NAV2: variants seen among roughly 807,000 people sequenced by gnomAD.
NAV2 encodes neuron navigator 2.
In NAV2, 54 loss-of-function variants were observed where a neutral mutation model predicts 223.2. The ratio of observed to expected loss-of-function variants is 0.24; its 90% CI spans 0.19 to 0.30. The LOEUF (loss-of-function observed/expected upper bound fraction) is 0.30. Among genes scored for constraint, NAV2 ranks in the 10% least tolerant of loss-of-function variants. NAV2 has a pLI of 1.00. For synonymous variants in NAV2, 1,279 were observed against 1,239.3 expected (o/e 1.03, Z -0.67); for missense variants, 2,806 against 3,147.5 (o/e 0.89, Z 2.60).
chr11:19,831,253 G>A (rs867903053), intron 1 of NAV2, among the ~76,000 whole-genome samples: 5 of 140,820 alleles, frequency 3.6e-5, no homozygotes, highest in Admixed American at 7.1e-5. Context: ...TGGGGAGTGG[G>A]GGGGGATGAC....
At position 20,107,656 on chromosome 11, in the gene NAV2, G is replaced by A; in HGVS notation, c.6842-8G>A. 3 of 1,610,282 alleles carry A rather than the reference G, an allele frequency of 1.9e-6. No individual in the cohort carries two copies. The highest frequency in any genetic ancestry group is 1.7e-5 in the Admixed American group (1 of 59,992). ...TGAGTGCTAATGTATTTTCACTGTG[G>A]TCTCCAGGCCCCCGGCTCTTCCTGT... is the stretch of plus-strand genomic sequence containing the variant. On this transcript the variant is annotated splice_region_variant and splice_polypyrimidine_tract_variant and intron_variant, in intron 35 of 37. Coordinates refer to ENST00000349880, the MANE Select transcript of NAV2 (RefSeq NM_145117.5).
intron 1 of NAV2, among the ~76,000 whole-genome samples, chr11:19,479,636 A>C (rs1440404906): frequency 6.6e-6 from 1 of 152,196 alleles, no homozygotes; most frequent in Non-Finnish European, 1.5e-5. Flanking sequence ...GCCTGTTTGT[A>C]GGTCTTTCAT....
In NAV2 at chr11:19,977,798, CTTTTTTT is replaced by C. The variant is rs1221334182; in HGVS notation, c.2646-6310_2646-6304del. ...TCTTTTCAGAGAGGTCAACTTTTTTCTTTTTTTTTTTTTTTTTTTTTTTGAGACAGGG... is the reference window on the plus strand; with the variant it reads ...TCTTTTCAGAGAGGTCAACTTTTTTCTTTTTTTTTTTTTTTTGAGACAGGG... On this transcript the variant is annotated intron_variant, in intron 10 of 37. Transcript: ENST00000349880. 7.6e-3 allele frequency among the ~76,000 whole-genome samples: 686 copies of C among 90,782 alleles called. 3 individuals are homozygous for C. Among genetic ancestry groups the C allele is most frequent in the Non-Finnish European group, 0.013 (571 of 45,462 alleles). 59.6% of individuals were successfully genotyped at this position (90,782 alleles called of 152,430 possible).
intron 32 of NAV2, among the ~76,000 whole-genome samples, chr11:20,102,766 C>T (rs1325748975): frequency 6.6e-6 from 1 of 152,144 alleles, no homozygotes; most frequent in Admixed American, 6.5e-5. Context: ...TGAGCCAATG[C>T]CCCACCCGTT....
At chr11:20,104,365 T>C in intron 34 of NAV2, 2 of 152,936 alleles carry the variant, frequency 1.3e-5, no homozygotes, top group East Asian at 1.9e-4. Context: ...CTCTCCTGCC[T>C]GGGCCCTTAG....
intron 1 of NAV2, among the ~76,000 whole-genome samples, chr11:19,657,943 G>C (rs2048173260): frequency 6.6e-6 from 1 of 151,878 alleles, no homozygotes; most frequent in Non-Finnish European, 1.5e-5. Context: ...CATGACCTGG[G>C]GAACACAGGT....
At position 20,121,387 on chromosome 11, in the gene NAV2, G is replaced by A. The variant is rs754877332; in HGVS notation, c.*3129G>A. 6.6e-6 allele frequency: 1 copy of A among 152,566 alleles called. No individual in the cohort carries two copies. The highest frequency in any genetic ancestry group is 2.4e-5 in the African/African-American group (1 of 41,424). The allele number at this position is 152,566 out of a possible 1,614,324, so 9.5% of individuals were successfully genotyped here. On this transcript the variant is annotated 3_prime_UTR_variant, in exon 38 of 38. Transcript: ENST00000349880. ...TTTTAAAGAGAAAACTAGGAATTGAGTATTTTGTGTACGGTATGTTTCCAT... is the reference window on the plus strand; with the variant it reads ...TTTTAAAGAGAAAACTAGGAATTGAATATTTTGTGTACGGTATGTTTCCAT...
At chr11:20,001,269 C>G (rs973474439) in intron 11 of NAV2, among the ~76,000 whole-genome samples, 8 of 152,180 alleles carry the variant, frequency 5.3e-5, no homozygotes, top group African/African-American at 1.9e-4. Context: ...CCTAGTAAGT[C>G]CCTTCCTCAG....
At chr11:19,664,643 C>T (rs2135754316) in intron 1 of NAV2, among the ~76,000 whole-genome samples, 1 of 152,272 alleles carries the variant, frequency 6.6e-6, no homozygotes, top group Middle Eastern at 3.4e-3. Flanking sequence ...TTATACAGCT[C>T]TGAATCTCAG....
intron 1 of NAV2, among the ~76,000 whole-genome samples, chr11:19,524,867 C>T (rs138977186): frequency 2.0e-5 from 3 of 152,196 alleles, no homozygotes; most frequent in Non-Finnish European, 2.9e-5. Flanking sequence ...TTGTGATATC[C>T]AGGCCCTTTG....
chr11:19,988,056 C>T (rs1342656120), intron 11 of NAV2, among the ~76,000 whole-genome samples: 1 of 152,206 alleles, frequency 6.6e-6, no homozygotes, highest in Non-Finnish European at 1.5e-5. Flanking sequence ...GCTGTCCTCT[C>T]AGAACCCATC....
At chr11:19,601,991 C>G (rs1397603157) in intron 1 of NAV2, among the ~76,000 whole-genome samples, 1 of 152,172 alleles carries the variant, frequency 6.6e-6, no homozygotes, top group Admixed American at 6.5e-5. Flanking sequence ...CCTGCCCCAC[C>G]AGGGCCCCAT....
intron 1 of NAV2, among the ~76,000 whole-genome samples, chr11:19,604,510 G>A (rs757926580): frequency 2.0e-5 from 3 of 152,138 alleles, no homozygotes; most frequent in South Asian, 2.1e-4. Context: ...GGAGCAGCTA[G>A]GATTGAGAGT....
At chr11:19,743,176 A>G (rs2053005248) in intron 1 of NAV2, among the ~76,000 whole-genome samples, 1 of 152,056 alleles carries the variant, frequency 6.6e-6, no homozygotes, top group African/African-American at 2.4e-5. Flanking sequence ...GATCCTCAAC[A>G]TTTACTCATA....
intron 1 of NAV2, among the ~76,000 whole-genome samples, chr11:19,816,544 A>G (rs1392466365): frequency 2.6e-5 from 4 of 152,092 alleles, no homozygotes; most frequent in African/African-American, 9.7e-5. Flanking sequence ...TTCTTCATCT[A>G]AGTTGGTGCA....
intron 4 of NAV2, among the ~76,000 whole-genome samples, chr11:19,874,793 AT>A (rs2062739316): frequency 6.6e-6 from 1 of 152,240 alleles, no homozygotes; most frequent in African/African-American, 2.4e-5. Flanking sequence ...GTGTATCTAT[AT>A]GATGGGAATG....
At chr11:19,818,096 C>T (rs1365922752) in intron 1 of NAV2, among the ~76,000 whole-genome samples, 1 of 152,024 alleles carries the variant, frequency 6.6e-6, no homozygotes, top group Non-Finnish European at 1.5e-5. Flanking sequence ...GCACAGTCTA[C>T]TGCCCCCTAA....
At chr11:19,584,055 A>C (rs1039770058) in intron 1 of NAV2, among the ~76,000 whole-genome samples, 2 of 152,020 alleles carry the variant, frequency 1.3e-5, no homozygotes, top group Admixed American at 6.6e-5. Context: ...TCAATTTCAG[A>C]GCCTGTTATT....
intron 1 of NAV2, among the ~76,000 whole-genome samples, chr11:19,590,656 A>G (rs1271719001): frequency 6.6e-6 from 1 of 152,220 alleles, no homozygotes; most frequent in African/African-American, 2.4e-5. Flanking sequence ...ACAGTGTGGT[A>G]AAGGCAAACC....
Sources: allele counts gnomAD v4.1 joint callset (sites outside exome capture counted in the v4.1 genomes callset), GRCh38; gene constraint gnomAD v4.1.1; transcripts MANE v1.5; gene names NCBI Gene and HGNC (gene_info 2026-07-23, HGNC 2026-07-21).